Variants in ZDHHC2 observed in about 807,000 individuals in gnomAD.
ZDHHC2 encodes the protein palmitoyltransferase ZDHHC2.
Under a neutral mutation model 55.6 loss-of-function variants are expected in ZDHHC2, and 51 were observed. The observed-to-expected ratio is 0.92, with a 90% CI of 0.73 to 1.16. The LOEUF (loss-of-function observed/expected upper bound fraction) is 1.16, where lower values mean the gene tolerates loss of function less well. Among genes scored for constraint, ZDHHC2 ranks in the 50% most tolerant of loss-of-function variants. The probability of loss-of-function intolerance (pLI) is 0.00; values close to 1 mark genes in which losing one functional copy is unlikely to be tolerated. For missense variants in ZDHHC2, 491 were observed against 442.4 expected (o/e 1.11, Z -0.99); for synonymous variants, 199 against 152.9 (o/e 1.30, Z -2.22).
At chr8:17,176,801 C>T (rs960812151) in intron 1 of ZDHHC2, among the ~76,000 whole-genome samples, 1 of 150,032 alleles carries the variant, frequency 6.7e-6, no homozygotes, top group African/African-American at 2.5e-5. Context: ...ATCACAATGA[C>T]ATATAAGGAC....
intron 1 of ZDHHC2, among the ~76,000 whole-genome samples, chr8:17,174,112 C>T (rs1805005582): frequency 6.9e-6 from 1 of 145,934 alleles, no homozygotes; most frequent in Non-Finnish European, 1.5e-5. Flanking sequence ...TTTTTTTTAA[C>T]AAGGTCTTGC....
At chr8:17,215,995 G>A (rs531513329) in intron 11 of ZDHHC2, among the ~76,000 whole-genome samples, 1 of 152,266 alleles carries the variant, frequency 6.6e-6, no homozygotes, top group South Asian at 2.1e-4. Flanking sequence ...ACTTAGCTTT[G>A]TTCTTTTCAA....
intron 4 of ZDHHC2, among the ~76,000 whole-genome samples, chr8:17,197,059 C>T (rs1806354340): frequency 6.6e-6 from 1 of 152,064 alleles, no homozygotes; most frequent in African/African-American, 2.4e-5. Context: ...CAGAGATGTG[C>T]TTATATATGT....
chr8:17,156,822 C>G lies in ZDHHC2; in HGVS notation c.99C>G (p.Ser33=). 1 of 1,520,872 alleles carries G rather than the reference C, an allele frequency of 6.6e-7. No homozygotes were observed. The highest frequency in any genetic ancestry group is 2.1e-5 in the Admixed American group (1 of 48,060). The allele number at this position is 1,520,872 out of a possible 1,614,324, so 94.2% of individuals were successfully genotyped here. The part of the protein sequence containing the change: ...VVFITLLLGW[S]YYAYAIQLCI... ...TCATCACCCTCCTGCTCGGCTGGTC[C>G]TACTACGCCTACGCCATCCAGCTGT... is the stretch of plus-strand genomic sequence containing the variant. Residue 33 remains serine (S), a synonymous_variant, in exon 1 of 13, where the codon TCC becomes TCG. Transcript: ENST00000262096.
In ZDHHC2 at chr8:17,186,393, A is replaced by G. The variant is rs377419602; in HGVS notation, c.220A>G (p.Ile74Val). 2.4e-5 allele frequency: 38 copies of G among 1,583,404 alleles called. No homozygotes were observed. The highest frequency in any genetic ancestry group is 2.8e-5 in the Non-Finnish European group (33 of 1,169,316). ...GTTTGTCTGGTCATACTGGAAAACT[A>G]TCTTTACATTACCAATGAATCCTTC... is the stretch of plus-strand genomic sequence containing the variant. ...AMFVWSYWKT[I>V]FTLPMNPSKE... The change falls in exon 3 of 13, where the codon ATC becomes GTC. Residue 74 changes from isoleucine (I) to valine (V), a missense_variant. By Grantham distance (29) the Ile-to-Val change is conservative. Coordinates refer to ENST00000262096, the MANE Select transcript of ZDHHC2 (RefSeq NM_016353.5).
chr8:17,164,946 C>T (rs1295410605), intron 1 of ZDHHC2, among the ~76,000 whole-genome samples: 1 of 152,090 alleles, frequency 6.6e-6, no homozygotes, highest in Admixed American at 6.6e-5. Flanking sequence ...TGAACTGTGT[C>T]CCTCATCCCT....
Position 17,224,251 on chromosome 8 carries a change from G to A in ZDHHC2, c.*4030G>A, listed in dbSNP as rs1317175458. The A allele has an allele frequency of 6.6e-6, 1 of 151,584 alleles. No individual in the cohort carries two copies. The highest frequency in any genetic ancestry group is 1.5e-5 in the Non-Finnish European group (1 of 67,702). The allele number at this position is 151,584 out of a possible 1,614,324, so 9.4% of individuals were successfully genotyped here. ...AGGAAAGTGAGGGCAAAAACAAACTGGTGAAAAATGTTCAAAAATAGATCT... is the reference window on the plus strand; with the variant it reads ...AGGAAAGTGAGGGCAAAAACAAACTAGTGAAAAATGTTCAAAAATAGATCT... On this transcript the variant is annotated 3_prime_UTR_variant, in exon 13 of 13. Coordinates refer to ENST00000262096, the MANE Select transcript of ZDHHC2 (RefSeq NM_016353.5).
intron 3 of ZDHHC2, among the ~76,000 whole-genome samples, chr8:17,194,530 CT>C (rs1231680482): frequency 6.6e-6 from 1 of 151,688 alleles, no homozygotes; most frequent in East Asian, 1.9e-4. Flanking sequence ...TCCTGCGTTT[CT>C]GTTATTCTTT....
chr8:17,212,479 A>C (rs1415882074), intron 10 of ZDHHC2, among the ~76,000 whole-genome samples: 3 of 152,086 alleles, frequency 2.0e-5, no homozygotes. Flanking sequence ...CTCTCTTTCA[A>C]TTACTTTGTA....
At chr8:17,188,814 A>G (rs112468484) in intron 3 of ZDHHC2, among the ~76,000 whole-genome samples, 1,567 of 152,246 alleles carry the variant, frequency 0.01, 37 homozygotes, top group African/African-American at 0.035. Context: ...CAAACTTCTG[A>G]TTTCTCATTT....
chr8:17,218,317 C>G (rs1011158946), intron 12 of ZDHHC2, among the ~76,000 whole-genome samples: 4 of 152,138 alleles, frequency 2.6e-5, no homozygotes, highest in Non-Finnish European at 5.9e-5. Context: ...ATAGCTATAG[C>G]AAATATGAGT....
chr8:17,193,345 C>A (rs1013337326), intron 3 of ZDHHC2, among the ~76,000 whole-genome samples: 1 of 152,202 alleles, frequency 6.6e-6, no homozygotes, highest in Non-Finnish European at 1.5e-5. Context: ...GATTACCAGG[C>A]AGCGACTCTT....
At chr8:17,171,875 T>A (rs1414325316) in intron 1 of ZDHHC2, among the ~76,000 whole-genome samples, 1 of 151,602 alleles carries the variant, frequency 6.6e-6, no homozygotes, top group Non-Finnish European at 1.5e-5. Flanking sequence ...CACCTAGCCT[T>A]GTTTGCACCT....
chr8:17,196,545 C>T (rs1317380258), intron 4 of ZDHHC2, among the ~76,000 whole-genome samples: 1 of 150,670 alleles, frequency 6.6e-6, no homozygotes. Flanking sequence ...CAGAGTGAGA[C>T]CCTGTCTCTA....
intron 3 of ZDHHC2, among the ~76,000 whole-genome samples, chr8:17,192,020 G>T (rs142743577): frequency 7.2e-5 from 11 of 152,296 alleles, no homozygotes; most frequent in African/African-American, 1.4e-4. Context: ...GTCTTGCTCT[G>T]TTGGCCAGGC....
chr8:17,176,551 AAAATT>A (rs1221303066), intron 1 of ZDHHC2, among the ~76,000 whole-genome samples: 39 of 152,236 alleles, frequency 2.6e-4, no homozygotes, highest in Admixed American at 1.7e-3. Flanking sequence ...TTTAAACAGT[AAAATT>A]AAAGCGCCGC....
intron 1 of ZDHHC2, among the ~76,000 whole-genome samples, chr8:17,177,155 A>G (rs1216503101): frequency 6.6e-6 from 1 of 152,192 alleles, no homozygotes; most frequent in Non-Finnish European, 1.5e-5. Flanking sequence ...TTTTTCCAAA[A>G]GAAGAGCATA....
intron 1 of ZDHHC2, among the ~76,000 whole-genome samples, chr8:17,173,209 C>T (rs970449790): frequency 7.2e-5 from 11 of 152,152 alleles, no homozygotes; most frequent in Non-Finnish European, 1.5e-4. Flanking sequence ...TGGCAGGCCA[C>T]ACAGAATCCT....
At chr8:17,190,255 CAAAAA>C (rs539334473) in intron 3 of ZDHHC2, among the ~76,000 whole-genome samples, 2 of 132,422 alleles carry the variant, frequency 1.5e-5, no homozygotes, top group East Asian at 2.2e-4. Context: ...CACTCCGTCT[CAAAAA>C]AAAAAAAGAA....
Sources: allele counts gnomAD v4.1 joint callset (sites outside exome capture counted in the v4.1 genomes callset), GRCh38; gene constraint gnomAD v4.1.1; transcripts MANE v1.5; gene names NCBI Gene and HGNC (gene_info 2026-07-23, HGNC 2026-07-21).